PCDHA8: variants seen among roughly 807,000 people sequenced by gnomAD.
PCDHA8 encodes protocadherin alpha-8.
PCDHA8 carries 53 observed loss-of-function variants against 61.8 expected under a neutral mutation model. That is an observed-to-expected ratio of 0.86 (90% CI 0.69 to 1.08). The LOEUF (loss-of-function observed/expected upper bound fraction) is 1.08, where lower values mean the gene tolerates loss of function less well. PCDHA8 is among the 50% of genes least tolerant of loss of function. The pLI is 0.00. For synonymous variants in PCDHA8, 618 were observed against 556.6 expected (o/e 1.11, Z -1.55); for missense variants, 1,293 against 1,245.0 (o/e 1.04, Z -0.58).
At chr5:140,883,623 C>T (rs782045250) in intron 1 of PCDHA8, 3 of 1,613,988 alleles carry the variant, frequency 1.9e-6, no homozygotes, top group East Asian at 4.5e-5. Context: ...AACGACAACG[C>T]GCCGGCGTTC....
At chr5:140,871,804 T>C (rs538101432) in intron 1 of PCDHA8, among the ~76,000 whole-genome samples, 75 of 152,364 alleles carry the variant, frequency 4.9e-4, no homozygotes, top group Non-Finnish European at 7.9e-4. Flanking sequence ...ATTACTATTT[T>C]CACTAAAGTA....
intron 1 of PCDHA8, chr5:140,871,576 G>A (rs1554165757): frequency 4.1e-6 from 6 of 1,475,680 alleles, no homozygotes; most frequent in Non-Finnish European, 5.4e-6. Flanking sequence ...GATTTTTTAA[G>A]GGAAAGTTTT....
rs1319911388 is a variant in PCDHA8, at chr5:140,842,060, T to C, written c.739T>C (p.Tyr247His). 10 of 1,613,880 alleles carry C rather than the reference T, an allele frequency of 6.2e-6. No homozygotes were observed. The East Asian group carries it at 8.9e-5, about 14-fold the overall frequency. ...DNAPTFEQSE[Y>H]EVRIFENADN... Reference sequence around the variant, plus strand: ...TGCTCCCACTTTCGAACAGTCTGAATACGAAGTAAGAATATTCGAAAACGC... The same window carrying C: ...TGCTCCCACTTTCGAACAGTCTGAACACGAAGTAAGAATATTCGAAAACGC... The change falls in exon 1 of 4, where the codon TAC (tyrosine) becomes CAC (histidine). Residue 247 changes from tyrosine to histidine, a missense_variant. By Grantham distance (83) the Tyr-to-His change is moderately conservative. Transcript: ENST00000531613.
intron 1 of PCDHA8, chr5:140,860,966 T>A (rs2046677867): frequency 6.6e-6 from 1 of 152,238 alleles, no homozygotes; most frequent in African/African-American, 2.4e-5. Context: ...CTAGATCTCC[T>A]GACCTCGTGA....
chr5:140,983,801 T>G (rs1386165689), intron 3 of PCDHA8, among the ~76,000 whole-genome samples: 1 of 152,214 alleles, frequency 6.6e-6, no homozygotes, highest in Non-Finnish European at 1.5e-5. Context: ...AATGTGTGTG[T>G]AAAAGGTTTT....
intron 1 of PCDHA8, chr5:140,928,602 GC>G: frequency 1.2e-6 from 2 of 1,614,176 alleles, no homozygotes; most frequent in Non-Finnish European, 1.7e-6. Flanking sequence ...TGGAAATTGT[GC>G]CCCGCTCTGC....
At chr5:140,879,257 G>A (rs782639090) in intron 1 of PCDHA8, among the ~76,000 whole-genome samples, 3 of 152,202 alleles carry the variant, frequency 2.0e-5, no homozygotes, top group Non-Finnish European at 4.4e-5. Flanking sequence ...AGTAGAAGCA[G>A]CCAGATAATG....
At chr5:140,869,134 A>T (rs781973798) in intron 1 of PCDHA8, 3 of 1,612,182 alleles carry the variant, frequency 1.9e-6, no homozygotes, top group Non-Finnish European at 2.5e-6. Context: ...GGGATTGGGC[A>T]CCCCACGACT....
chr5:140,876,378 T>G (rs1554168503), intron 1 of PCDHA8: 1 of 1,613,948 alleles, frequency 6.2e-7, no homozygotes. Flanking sequence ...CAGGTGAAAT[T>G]AGAATTTATG....
Position 140,960,269 on chromosome 5 carries a change from G to A in PCDHA8, c.2395-18680G>A, listed in dbSNP as rs148980300. On this transcript the variant is annotated intron_variant, in intron 1 of 3. Transcript: ENST00000531613. ...CTTCCTGGAGCTTCTGATAAATTCC[G>A]TCACCTTTTTGGGACCCAGTTTCTT... is the stretch of plus-strand genomic sequence containing the variant. Among the ~76,000 whole-genome samples, 355 of 152,162 alleles carry A rather than the reference G, an allele frequency of 2.3e-3. 1 individual carries two copies. The highest frequency in any genetic ancestry group is 7.0e-3 in the African/African-American group (290 of 41,548).
chr5:140,848,115 A>G, intron 1 of PCDHA8: 1 of 178,506 alleles, frequency 5.6e-6, no homozygotes, highest in Non-Finnish European at 1.2e-5. Flanking sequence ...TAAGAAAACC[A>G]CAATCAAGGT....
chr5:140,897,970 G>A (rs561364842), intron 1 of PCDHA8, among the ~76,000 whole-genome samples: 10 of 152,210 alleles, frequency 6.6e-5, no homozygotes, highest in Admixed American at 2.6e-4. Context: ...TGTGTCTTTT[G>A]GCTGCATAAA....
chr5:140,870,657 G>A (rs782619046), intron 1 of PCDHA8: 1 of 1,612,514 alleles, frequency 6.2e-7, no homozygotes, highest in East Asian at 2.2e-5. Context: ...AGGTGTACGC[G>A]CTGCAGCCGT....
chr5:140,876,699 G>T (rs782209543), intron 1 of PCDHA8: 1 of 1,614,228 alleles, frequency 6.2e-7, no homozygotes. Context: ...CGTTGGTGCT[G>T]GACAGCGCCC....
chr5:140,886,927 G>T (rs1191029252), intron 1 of PCDHA8, among the ~76,000 whole-genome samples: 1 of 151,236 alleles, frequency 6.6e-6, no homozygotes, highest in Non-Finnish European at 1.5e-5. Flanking sequence ...TTCTCTATGT[G>T]CCAGGCATGT....
chr5:140,982,447 C>T (rs782801484), intron 2 of PCDHA8, 28 bp from the exon 3 acceptor site: 5 of 1,613,664 alleles, frequency 3.1e-6, no homozygotes, highest in Admixed American at 3.3e-5. Flanking sequence ...ATGATCTAAC[C>T]GTTATCTGGG....
chr5:140,918,496 A>G lies in PCDHA8; in HGVS notation c.2395-60453A>G, dbSNP rs79827125. Among the ~76,000 whole-genome samples the G allele has an allele frequency of 8.0e-3, 1,215 of 152,276 alleles. 6 individuals are homozygous for G. Among genetic ancestry groups the G allele is most frequent in the African/African-American group, 0.019 (784 of 41,558 alleles). On this transcript the variant is annotated intron_variant, in intron 1 of 3. Transcript: ENST00000531613. ...TCTCAAGGGGAATGCTTTGGATGGT[A>G]CCAATCCTTTTAAACTTATTGAGGA...
At chr5:140,921,744 A>T (rs1554200416) in intron 1 of PCDHA8, among the ~76,000 whole-genome samples, 1 of 152,158 alleles carries the variant, frequency 6.6e-6, no homozygotes. Context: ...TATAAGCATA[A>T]CAGGACACTT....
chr5:140,927,634 A>G, intron 1 of PCDHA8: 1 of 1,614,184 alleles, frequency 6.2e-7, no homozygotes, highest in Non-Finnish European at 8.5e-7. Context: ...GACTGCACCC[A>G]ATGGGACTGT....
Sources: allele counts gnomAD v4.1 joint callset (sites outside exome capture counted in the v4.1 genomes callset), GRCh38; gene constraint gnomAD v4.1.1; transcripts MANE v1.5; gene names NCBI Gene and HGNC (gene_info 2026-07-23, HGNC 2026-07-21).